Variants in CTTNBP2 observed in about 807,000 individuals in gnomAD.
CTTNBP2 encodes the protein cortactin-binding protein 2.
In CTTNBP2, 108 loss-of-function variants were observed where a neutral mutation model predicts 156.9. The observed-to-expected ratio is 0.69, with a 90% confidence interval of 0.59 to 0.81. CTTNBP2 has a LOEUF of 0.81. Ranked by LOEUF, CTTNBP2 falls within the 30% of genes least tolerant of loss-of-function variation. CTTNBP2 has a pLI of 0.00. For synonymous variants in CTTNBP2, 767 were observed against 751.8 expected (o/e 1.02, Z -0.33); for missense variants, 1,924 against 2,035.4 (o/e 0.95, Z 1.05).
At chr7:117,829,343 A>T (rs1320133710) in intron 2 of CTTNBP2, among the ~76,000 whole-genome samples, 1 of 152,218 alleles carries the variant, frequency 6.6e-6, no homozygotes, top group East Asian at 1.9e-4. Flanking sequence ...TAAAGTTAGG[A>T]TGAGACTAAG....
At chr7:117,741,650 A>G (rs1796024765) in intron 14 of CTTNBP2, among the ~76,000 whole-genome samples, 2 of 152,162 alleles carry the variant, frequency 1.3e-5, no homozygotes, top group South Asian at 2.1e-4. Flanking sequence ...ACGACATACC[A>G]TTTCCTACTC....
intron 8 of CTTNBP2, among the ~76,000 whole-genome samples, chr7:117,769,766 A>T (rs1297083124): frequency 6.6e-6 from 1 of 152,228 alleles, no homozygotes; most frequent in Admixed American, 6.5e-5. Context: ...CTGAGCACTA[A>T]ACTTAGTGAA....
chr7:117,777,381 G>A (rs1798159991), intron 8 of CTTNBP2, 130 bp downstream of exon 8: 1 of 916,818 alleles, frequency 1.1e-6, no homozygotes, highest in African/African-American at 1.7e-5. Context: ...ATTTGTATTG[G>A]TAAATAACAT....
intron 14 of CTTNBP2, among the ~76,000 whole-genome samples, chr7:117,738,085 T>G (rs1795806796): frequency 6.6e-6 from 1 of 152,170 alleles, no homozygotes; most frequent in African/African-American, 2.4e-5. Context: ...CGCCCAGCAG[T>G]CACAGCTGCG....
At chr7:117,825,589 T>C (rs748354174) in intron 2 of CTTNBP2, among the ~76,000 whole-genome samples, 6 of 152,156 alleles carry the variant, frequency 3.9e-5, no homozygotes, top group Non-Finnish European at 7.4e-5. Flanking sequence ...ATACAGCTAG[T>C]GCAACAGTAG....
In CTTNBP2 at chr7:117,849,114, A is replaced by G. The variant is rs563107026; in HGVS notation, c.189+12095T>C. ...TCTTTTTCTCATCAAGTAGATGGGC[A>G]AAAGAAAAAGACTAGACAAATTTAC... On this transcript the variant is annotated intron_variant, in intron 2 of 22. Transcript: ENST00000160373. Among the ~76,000 whole-genome samples, 5 of 152,336 alleles carry G rather than the reference A, an allele frequency of 3.3e-5. No individual in the cohort carries two copies. The South Asian group carries it at 1.0e-3, about 32-fold the overall frequency.
intron 2 of CTTNBP2, among the ~76,000 whole-genome samples, chr7:117,858,920 C>A (rs1469893867): frequency 6.6e-6 from 1 of 152,106 alleles, no homozygotes. Context: ...TCAGAGTAAA[C>A]AACATAGCAG....
chr7:117,788,520 T>C (rs1389096195), intron 4 of CTTNBP2, among the ~76,000 whole-genome samples: 1 of 152,182 alleles, frequency 6.6e-6, no homozygotes, highest in Non-Finnish European at 1.5e-5. Context: ...TTCAAAGGGC[T>C]CATGACCTGG....
chr7:117,845,975 C>T (rs1309868214), intron 2 of CTTNBP2, among the ~76,000 whole-genome samples: 4 of 152,018 alleles, frequency 2.6e-5, no homozygotes, highest in Non-Finnish European at 5.9e-5. Context: ...TTCAGCCTCC[C>T]GAGTAGGTGG....
chr7:117,799,357 T>G (rs1313167645), intron 3 of CTTNBP2, among the ~76,000 whole-genome samples: 1 of 151,924 alleles, frequency 6.6e-6, no homozygotes, highest in African/African-American at 2.4e-5. Context: ...GGTTTAATAT[T>G]TGAAAATCAA....
intron 3 of CTTNBP2, among the ~76,000 whole-genome samples, chr7:117,795,465 G>T (rs1799266121): frequency 6.6e-6 from 1 of 152,190 alleles, no homozygotes; most frequent in Admixed American, 6.5e-5. Flanking sequence ...TCTGAAGGTA[G>T]AGAATTTTAA....
chr7:117,777,861 G>A, intron 7 of CTTNBP2, 96 bp from the exon 8 acceptor site: 1 of 1,229,254 alleles, frequency 8.1e-7, no homozygotes, highest in Non-Finnish European at 1.1e-6. Context: ...CTTGGGCATG[G>A]ACCACTGAGC....
intron 3 of CTTNBP2, among the ~76,000 whole-genome samples, chr7:117,806,821 C>T (rs1028272535): frequency 3.4e-5 from 5 of 145,596 alleles, no homozygotes; most frequent in South Asian, 2.1e-4. Flanking sequence ...TGCAATTGTG[C>T]GATCTCGGCT....
chr7:117,729,607 G>A lies in CTTNBP2; in HGVS notation c.3877-1340C>T, dbSNP rs137979075. Among the ~76,000 whole-genome samples the A allele has an allele frequency of 7.6e-3, 1,152 of 152,282 alleles. 12 individuals carry two copies. The highest frequency in any genetic ancestry group is 0.013 in the Non-Finnish European group (887 of 68,012). ...GTGAAAAGCTAATGAAGAGCAAGTG[G>A]TCAGTTCTGGTGCGGTTTGATGGAG... On this transcript the variant is annotated intron_variant, in intron 16 of 22. Coordinates refer to ENST00000160373, the MANE Select transcript of CTTNBP2 (RefSeq NM_033427.3).
intron 2 of CTTNBP2, among the ~76,000 whole-genome samples, chr7:117,853,475 T>A (rs929604433): frequency 1.3e-5 from 2 of 152,110 alleles, no homozygotes; most frequent in Non-Finnish European, 1.5e-5. Context: ...GAATTCCTCA[T>A]AAAGGTGGCA....
intron 21 of CTTNBP2, 41 bp from the exon 22 acceptor site, chr7:117,718,160 A>T: frequency 8.2e-6 from 10 of 1,226,108 alleles, no homozygotes; most frequent in African/African-American, 3.0e-5. Flanking sequence ...CTCCACAGTC[A>T]CACTGTGCAT....
chr7:117,728,021 C>G (rs763039267), intron 17 of CTTNBP2, 68 bp downstream of exon 17: 4 of 1,426,934 alleles, frequency 2.8e-6, no homozygotes, highest in Non-Finnish European at 3.9e-6. Flanking sequence ...TCAGCATTCT[C>G]ACCCTCAAAC....
intron 8 of CTTNBP2, among the ~76,000 whole-genome samples, chr7:117,773,438 C>T (rs527513869): frequency 2.0e-5 from 3 of 152,220 alleles, no homozygotes; most frequent in Admixed American, 6.5e-5. Flanking sequence ...AAGAGGGCTA[C>T]CACCTGATCA....
At chr7:117,764,961 A>C (rs963633068) in intron 9 of CTTNBP2, among the ~76,000 whole-genome samples, 2 of 151,948 alleles carry the variant, frequency 1.3e-5, no homozygotes, top group African/African-American at 4.8e-5. Flanking sequence ...TTTGAGATAG[A>C]GTCTCACTCT....
Sources: gnomAD v4.1 joint callset for allele counts (sites outside exome capture counted in the v4.1 genomes callset) on GRCh38, gnomAD v4.1.1 for gene constraint, MANE v1.5 for transcripts, NCBI Gene and HGNC (gene_info 2026-07-23, HGNC 2026-07-21) for gene names.